The following CRISPLD1 variants were observed in gnomAD, a reference collection of about 807,000 sequenced individuals.
CRISPLD1 encodes the protein cysteine rich secretory protein LCCL domain containing 1.
CRISPLD1 carries 60 observed loss-of-function variants against 77.5 expected under a neutral mutation model. That is an observed-to-expected ratio of 0.77 (90% confidence interval 0.63 to 0.96). The LOEUF is 0.96. Ranked by LOEUF, CRISPLD1 falls within the 40% of genes least tolerant of loss-of-function variation. The pLI, the probability that CRISPLD1 is intolerant of heterozygous loss-of-function variation, is 0.00. For missense variants in CRISPLD1, 623 were observed against 615.8 expected (o/e 1.01, Z -0.12); for synonymous variants, 195 against 200.1 (o/e 0.97, Z 0.22).
intron 2 of CRISPLD1, among the ~76,000 whole-genome samples, chr8:75,009,126 A>T (rs1812884940): frequency 6.6e-6 from 1 of 152,106 alleles, no homozygotes; most frequent in Admixed American, 6.6e-5. Flanking sequence ...GCTCAGCTGG[A>T]TAGTCCTCAC....
chr8:75,015,177 A>G (rs551376821), intron 6 of CRISPLD1, among the ~76,000 whole-genome samples: 2 of 152,282 alleles, frequency 1.3e-5, no homozygotes, highest in South Asian at 4.1e-4. Context: ...AAGTATATTT[A>G]TATTCTTAAA....
In CRISPLD1 at chr8:75,010,057, GTAAAAT is replaced by G. The variant is rs1171937405; in HGVS notation, c.259-2370_259-2365del. On this transcript the variant is annotated intron_variant, in intron 2 of 14. Transcript: ENST00000262207. ...CTTGAATATTTGACACTAATTGAAAGTAAAATTAAAACTTTTATGAAAAGCAGCAAC... is the reference window on the plus strand; with the variant it reads ...CTTGAATATTTGACACTAATTGAAAGTAAAACTTTTATGAAAAGCAGCAAC... Among the ~76,000 whole-genome samples, 9 of 152,110 alleles carry G rather than the reference GTAAAAT, an allele frequency of 5.9e-5. No homozygotes were observed. In the South Asian group the frequency reaches 6.2e-4, roughly 11 times the overall value.
chr8:75,013,129 A>T, intron 4 of CRISPLD1, 107 bp downstream of exon 4: 1 of 839,338 alleles, frequency 1.2e-6, no homozygotes, highest in Non-Finnish European at 1.7e-6. Context: ...GGTTATTAAA[A>T]AAATTTATAT....
At chr8:75,030,091 TTAAAA>T (rs1436342854) in intron 14 of CRISPLD1, among the ~76,000 whole-genome samples, 2 of 152,178 alleles carry the variant, frequency 1.3e-5, no homozygotes, top group Non-Finnish European at 2.9e-5. Context: ...TCAATAAATA[TTAAAA>T]TAAATGAAGC....
chr8:74,998,692 A>AAAAAC (rs1216389547), intron 2 of CRISPLD1, among the ~76,000 whole-genome samples: 4 of 146,046 alleles, frequency 2.7e-5, no homozygotes, highest in African/African-American at 5.0e-5. Context: ...TCTCAAAAAA[A>AAAAAC]AAAAAAAAAA....
At chr8:75,024,030 AAGGCAGT>A (rs1368880501) in intron 12 of CRISPLD1, among the ~76,000 whole-genome samples, 1 of 152,236 alleles carries the variant, frequency 6.6e-6, no homozygotes, top group Non-Finnish European at 1.5e-5. Context: ...AGATATCAGT[AAGGCAGT>A]AGGATTTCTG....
At chr8:75,004,923 TA>T (rs1812803116) in intron 2 of CRISPLD1, among the ~76,000 whole-genome samples, 1 of 152,170 alleles carries the variant, frequency 6.6e-6, no homozygotes, top group African/African-American at 2.4e-5. Context: ...GGCCTGTTTT[TA>T]ACTTTTTATT....
At chr8:74,996,134 T>C (rs150821591) in intron 2 of CRISPLD1, among the ~76,000 whole-genome samples, 4 of 151,790 alleles carry the variant, frequency 2.6e-5, no homozygotes, top group African/African-American at 9.6e-5. Context: ...GTAATACATG[T>C]ATATGTGTGA....
At chr8:75,028,913 G>A (rs1481508620) in intron 13 of CRISPLD1, among the ~76,000 whole-genome samples, 1 of 152,142 alleles carries the variant, frequency 6.6e-6, no homozygotes, top group Non-Finnish European at 1.5e-5. Context: ...AGGGGCCATA[G>A]TCATATGCAG....
chr8:75,000,828 T>C (rs1163991850), intron 2 of CRISPLD1, among the ~76,000 whole-genome samples: 1 of 151,964 alleles, frequency 6.6e-6, no homozygotes, highest in Non-Finnish European at 1.5e-5. Context: ...CAGTTTATGT[T>C]AGCTGGAAGG....
chr8:75,029,008 C>G (rs1813283884), intron 13 of CRISPLD1, among the ~76,000 whole-genome samples: 1 of 151,962 alleles, frequency 6.6e-6, no homozygotes, highest in Admixed American at 6.6e-5. Flanking sequence ...TCAGAGTGAG[C>G]CCAGTATAGA....
At chr8:75,028,716 A>T (rs139643202) in intron 13 of CRISPLD1, among the ~76,000 whole-genome samples, 1 of 152,208 alleles carries the variant, frequency 6.6e-6, no homozygotes, top group African/African-American at 2.4e-5. Context: ...CAATGTAATC[A>T]TAGGACTTTC....
intron 2 of CRISPLD1, among the ~76,000 whole-genome samples, chr8:74,988,258 C>T (rs1023548762): frequency 2.6e-5 from 4 of 152,100 alleles, no homozygotes; most frequent in African/African-American, 7.2e-5. Flanking sequence ...TTATTCAAAT[C>T]GTTATTTAAA....
At chr8:75,010,705 C>A (rs1467169426) in intron 2 of CRISPLD1, among the ~76,000 whole-genome samples, 2 of 151,992 alleles carry the variant, frequency 1.3e-5, no homozygotes, top group Admixed American at 1.3e-4. Context: ...TTTTCTGTAA[C>A]CTCTTTTATC....
intron 2 of CRISPLD1, among the ~76,000 whole-genome samples, chr8:75,006,359 A>G (rs1218726507): frequency 2.6e-5 from 4 of 152,186 alleles, no homozygotes; most frequent in African/African-American, 9.6e-5. Context: ...TTGTACAACA[A>G]ATTCAATCAT....
rs140434059 is a variant in CRISPLD1 at position 74,998,139 on chromosome 8, T to C, written c.258+11894T>C. Among the ~76,000 whole-genome samples, 248 of 152,270 alleles carry C rather than the reference T, an allele frequency of 1.6e-3. 2 individuals carry two copies. The highest frequency in any genetic ancestry group is 5.5e-3 in the African/African-American group (229 of 41,558). ...ACAGGAAAAGCTGAGGTTGTTCGTA[T>C]AGAAGCAGGTAGTTTGGAGCGTTTA... On this transcript the variant is annotated intron_variant, in intron 2 of 14. Transcript: ENST00000262207.
chr8:75,021,879 A>G (rs1484822506), intron 12 of CRISPLD1, among the ~76,000 whole-genome samples: 18 of 152,278 alleles, frequency 1.2e-4, no homozygotes, highest in Admixed American at 2.6e-4. Context: ...CTAAGTACGA[A>G]TATTATGCCT....
At position 75,016,371 on chromosome 8, in the gene CRISPLD1, A is replaced by G. The variant is rs1813026545; in HGVS notation, c.728-194A>G. 2.0e-5 allele frequency among the ~76,000 whole-genome samples: 3 copies of G among 152,210 alleles called. No homozygotes were observed. The South Asian group carries it at 6.2e-4, about 32-fold the overall frequency. On this transcript the variant is annotated intron_variant, in intron 6 of 14. Transcript: ENST00000262207. ...ATTAACATAAATGAATCAAGGACTT[A>G]AAGGCTTATGTGTGTTCATTTATTC...
intron 2 of CRISPLD1, among the ~76,000 whole-genome samples, chr8:74,993,387 CATT>C (rs1466281122): frequency 1.3e-5 from 2 of 152,080 alleles, no homozygotes; most frequent in Non-Finnish European, 2.9e-5. Context: ...TAAAGAATAT[CATT>C]ATTACTTAAA....
Sources: gnomAD v4.1 joint callset for allele counts (sites outside exome capture counted in the v4.1 genomes callset) on GRCh38, gnomAD v4.1.1 for gene constraint, MANE v1.5 for transcripts, NCBI Gene and HGNC (gene_info 2026-07-23, HGNC 2026-07-21) for gene names.